Variants in PEAK1 observed in about 807,000 individuals in gnomAD.
The protein encoded by PEAK1 is pseudopodium enriched atypical kinase 1, also known as inactive tyrosine-protein kinase PEAK1.
Under a neutral mutation model 124.7 loss-of-function variants are expected in PEAK1, and 54 were observed. The ratio of observed to expected loss-of-function variants is 0.43; its 90% CI spans 0.35 to 0.54. The LOEUF (loss-of-function observed/expected upper bound fraction) is 0.54. Ranked by LOEUF, PEAK1 falls within the 20% of genes least tolerant of loss-of-function variation. The probability of loss-of-function intolerance (pLI) is 0.01; values close to 1 mark genes in which losing one functional copy is unlikely to be tolerated. For synonymous variants in PEAK1, 719 were observed against 760.0 expected, an observed-to-expected ratio of 0.95 and a Z score of 0.89; for missense variants, 2,046 against 2,134.5, an observed-to-expected ratio of 0.96 and a Z score of 0.82.
chr15:77,274,441 T>C (rs997737439), intron 5 of PEAK1, among the ~76,000 whole-genome samples: 1 of 150,940 alleles, frequency 6.6e-6, no homozygotes, highest in African/African-American at 2.4e-5. Flanking sequence ...TCCCATCAAG[T>C]GGGCTAAAGA....
intron 9 of PEAK1, among the ~76,000 whole-genome samples, chr15:77,126,667 G>A (rs1176894181): frequency 1.3e-5 from 2 of 152,108 alleles, no homozygotes; most frequent in Non-Finnish European, 2.9e-5. Context: ...TCTGAGATAA[G>A]TAGGGCAGTT....
intron 2 of PEAK1, chr15:77,334,912 C>G: frequency 3.0e-6 from 3 of 985,408 alleles, no homozygotes; most frequent in Non-Finnish European, 3.6e-6. Context: ...TGATATCCAG[C>G]TTCCCCAGGT....
At chr15:77,341,704 T>C (rs1307097550) in intron 2 of PEAK1, among the ~76,000 whole-genome samples, 1 of 152,126 alleles carries the variant, frequency 6.6e-6, no homozygotes, top group Admixed American at 6.5e-5. Context: ...TGAAGCAATC[T>C]AGGGGTCCAC....
intron 9 of PEAK1, among the ~76,000 whole-genome samples, chr15:77,121,449 G>T (rs1417531439): frequency 6.6e-6 from 1 of 152,110 alleles, no homozygotes; most frequent in Non-Finnish European, 1.5e-5. Context: ...AAGGTGATGG[G>T]GTGGGGGCAA....
chr15:77,376,854 T>C (rs1421259448), intron 1 of PEAK1, among the ~76,000 whole-genome samples: 1 of 152,180 alleles, frequency 6.6e-6, no homozygotes, highest in East Asian at 1.9e-4. Context: ...ATCATGCCTT[T>C]AACAAAAGCT....
intron 5 of PEAK1, among the ~76,000 whole-genome samples, chr15:77,283,419 T>C (rs927056924): frequency 1.3e-5 from 2 of 152,138 alleles, no homozygotes; most frequent in African/African-American, 4.8e-5. Context: ...CCATGTGGTC[T>C]AGAAAGTCAG....
In PEAK1 at chr15:77,114,436, A is replaced by T; in HGVS notation, c.4961T>A (p.Ile1654Asn). Residue 1654 changes from isoleucine (I) to asparagine (N), a missense_variant, in exon 10 of 10, where the codon ATC becomes AAC. By Grantham distance (149) the Ile-to-Asn change is moderately radical. Coordinates refer to ENST00000682557, the MANE Select transcript of PEAK1 (RefSeq NM_001385026.1). ...CLLNPNPSERILISDAKGILQ... is the reference protein window; with the variant it reads ...CLLNPNPSERNLISDAKGILQ... ...GATGCCTTTGGCGTCTGAAATGAGG[A>T]TCCGCTCAGAAGGGTTGGGATTCAG... 6.2e-7 allele frequency: 1 copy of T among 1,614,066 alleles called. No individual in the cohort carries two copies. The highest frequency in any genetic ancestry group is 1.3e-5 in the African/African-American group (1 of 75,006).
At chr15:77,291,739 A>T (rs777580026) in intron 2 of PEAK1, among the ~76,000 whole-genome samples, 5 of 152,074 alleles carry the variant, frequency 3.3e-5, no homozygotes, top group Non-Finnish European at 5.9e-5. Flanking sequence ...GCACTTTGGG[A>T]GGCCGAGGCA....
chr15:77,305,198 G>C (rs1251843935), intron 2 of PEAK1, among the ~76,000 whole-genome samples: 1 of 122,614 alleles, frequency 8.2e-6, no homozygotes, highest in Non-Finnish European at 1.7e-5. Context: ...AGGGAGGGAC[G>C]GAAGGAGGGA....
At chr15:77,183,256 C>T (rs1022157848) in intron 6 of PEAK1, among the ~76,000 whole-genome samples, 2 of 152,154 alleles carry the variant, frequency 1.3e-5, no homozygotes, top group Non-Finnish European at 2.9e-5. Context: ...ACTCATTTGC[C>T]TATGGTGGCT....
chr15:77,180,723 C>A lies in PEAK1; in HGVS notation c.1204G>T (p.Ala402Ser). ...SNNQDKDSSQASKSSIKVPET... is the reference protein window; with the variant it reads ...SNNQDKDSSQSSKSSIKVPET... Reference sequence around the variant, plus strand: ...GGAACTTTTATTGAGCTTTTGGAAGCCTGTGATGAATCTTTATCCTGATTA... The same window carrying A: ...GGAACTTTTATTGAGCTTTTGGAAGACTGTGATGAATCTTTATCCTGATTA... The change falls in exon 7 of 10, where the codon GCT (alanine) becomes TCT (serine). Residue 402 changes from alanine to serine, a missense_variant. Transcript: ENST00000682557. The A allele has an allele frequency of 6.2e-7, 1 of 1,613,966 alleles. No homozygotes were observed. Among genetic ancestry groups the A allele is most frequent in the Non-Finnish European group, 8.5e-7 (1 of 1,179,956 alleles).
At chr15:77,147,501 A>G (rs1449620231) in intron 8 of PEAK1, among the ~76,000 whole-genome samples, 2 of 152,220 alleles carry the variant, frequency 1.3e-5, no homozygotes, top group Non-Finnish European at 2.9e-5. Context: ...GCAGTCTGAT[A>G]AAGCAGTCAG....
chr15:77,121,685 A>G (rs1289118928), intron 9 of PEAK1, among the ~76,000 whole-genome samples: 3 of 152,190 alleles, frequency 2.0e-5, no homozygotes, highest in Admixed American at 2.0e-4. Flanking sequence ...CTTCAAAAAT[A>G]TTCTACATTA....
chr15:77,171,643 A>G (rs1175958262), intron 7 of PEAK1, among the ~76,000 whole-genome samples: 1 of 152,184 alleles, frequency 6.6e-6, no homozygotes, highest in Non-Finnish European at 1.5e-5. Context: ...GTTAACAGTA[A>G]CATTATTATA....
At chr15:77,383,646 C>T (rs34690222) in intron 1 of PEAK1, among the ~76,000 whole-genome samples, 11,718 of 152,144 alleles carry the variant, frequency 0.077, 563 homozygotes, top group Non-Finnish European at 0.1. Flanking sequence ...CTGGCATCAC[C>T]CCCATATACA....
intron 6 of PEAK1, among the ~76,000 whole-genome samples, chr15:77,246,369 T>C (rs2060588437): frequency 6.6e-6 from 1 of 152,064 alleles, no homozygotes; most frequent in South Asian, 2.1e-4. Context: ...AGCTGACATC[T>C]TAATATTGAC....
intron 6 of PEAK1, among the ~76,000 whole-genome samples, chr15:77,235,173 G>A (rs747866305): frequency 9.2e-5 from 14 of 151,884 alleles, no homozygotes; most frequent in Non-Finnish European, 1.9e-4. Context: ...AACAATGTGA[G>A]AACTGGCTAA....
chr15:77,214,033 C>T (rs2059027923), intron 6 of PEAK1, among the ~76,000 whole-genome samples: 1 of 152,124 alleles, frequency 6.6e-6, no homozygotes, highest in African/African-American at 2.4e-5. Context: ...TTATATACTA[C>T]ATAGTAGTCA....
intron 8 of PEAK1, among the ~76,000 whole-genome samples, chr15:77,146,967 A>G (rs1323439389): frequency 5.3e-5 from 8 of 152,232 alleles, no homozygotes; most frequent in Non-Finnish European, 8.8e-5. Flanking sequence ...TATTAATGCC[A>G]AAGGAAGTTC....
Sources: gnomAD v4.1 joint callset for allele counts (sites outside exome capture counted in the v4.1 genomes callset) on GRCh38, gnomAD v4.1.1 for gene constraint, MANE v1.5 for transcripts, NCBI Gene and HGNC (gene_info 2026-07-23, HGNC 2026-07-21) for gene names.